Variants in SLC4A8 observed in about 807,000 individuals in gnomAD.
The protein encoded by SLC4A8 is solute carrier family 4 member 8.
SLC4A8 carries 40 observed loss-of-function variants against 125.0 expected under a neutral mutation model. That is an observed-to-expected ratio of 0.32 (90% confidence interval 0.25 to 0.42). The LOEUF is 0.42. Ranked by LOEUF, SLC4A8 falls within the 10% of genes least tolerant of loss-of-function variation. The pLI is 1.00. For synonymous variants in SLC4A8, 456 were observed against 476.0 expected (o/e 0.96, Z 0.55); for missense variants, 863 against 1,355.1 (o/e 0.64, Z 5.70).
At chr12:51,447,097 T>C (rs1482469920) in intron 2 of SLC4A8, among the ~76,000 whole-genome samples, 2 of 152,008 alleles carry the variant, frequency 1.3e-5, no homozygotes, top group African/African-American at 4.8e-5. Context: ...TATCTAGAGA[T>C]AGGGTCTCAT....
chr12:51,436,143 C>G (rs918417043), intron 1 of SLC4A8, among the ~76,000 whole-genome samples: 2 of 152,332 alleles, frequency 1.3e-5, no homozygotes, highest in Non-Finnish European at 1.5e-5. Context: ...TCCTTTCTCT[C>G]TTGCCGAGAA....
intron 11 of SLC4A8, among the ~76,000 whole-genome samples, chr12:51,466,059 T>A (rs34961540): frequency 6.6e-6 from 1 of 151,878 alleles, no homozygotes; most frequent in Non-Finnish European, 1.5e-5. Context: ...CCTTGTTGGA[T>A]GGAGAAGTAT....
At chr12:51,394,732 G>C (rs576767833) in intron 1 of SLC4A8, among the ~76,000 whole-genome samples, 2 of 152,270 alleles carry the variant, frequency 1.3e-5, no homozygotes, top group African/African-American at 4.8e-5. Flanking sequence ...ACTACCTAGC[G>C]GGTATTATGC....
At chr12:51,507,283 T>C (rs1938213382) in intron 24 of SLC4A8, 143 bp from the exon 25 acceptor site, 1 of 509,696 alleles carries the variant, frequency 2.0e-6, no homozygotes, top group Non-Finnish European at 3.4e-6. Flanking sequence ...CACATGGTTA[T>C]TTTTAGTTGA....
chr12:51,482,089 G>A (rs1951046666), intron 16 of SLC4A8, among the ~76,000 whole-genome samples: 1 of 152,204 alleles, frequency 6.6e-6, no homozygotes. Flanking sequence ...TAGATTTGCA[G>A]TATTTAATGT....
intron 1 of SLC4A8, among the ~76,000 whole-genome samples, chr12:51,399,780 G>A (rs1177928593): frequency 6.6e-6 from 1 of 152,108 alleles, no homozygotes; most frequent in Non-Finnish European, 1.5e-5. Context: ...TCAGGAGATT[G>A]AGATCATCTT....
intron 16 of SLC4A8, among the ~76,000 whole-genome samples, chr12:51,478,438 T>TA (rs75314667): frequency 0.021 from 3,143 of 148,086 alleles, 106 homozygotes; most frequent in African/African-American, 0.073. Flanking sequence ...GACTCCATCT[T>TA]AAAAAAAAAA....
chr12:51,448,296 C>T (rs1443851865), intron 2 of SLC4A8, among the ~76,000 whole-genome samples: 5 of 151,956 alleles, frequency 3.3e-5, no homozygotes, highest in Admixed American at 1.3e-4. Context: ...ATAGAAAGTA[C>T]GGTGAGGGAG....
chr12:51,462,287 T>G (rs1291361288), intron 9 of SLC4A8, 23 bp from the exon 10 acceptor site: 2 of 1,611,948 alleles, frequency 1.2e-6, no homozygotes, highest in East Asian at 2.2e-5. Flanking sequence ...TTAACTTTCC[T>G]GAGGGTTTTC....
chr12:51,462,180 T>C (rs1950347574), intron 9 of SLC4A8, 130 bp from the exon 10 acceptor site: 1 of 829,640 alleles, frequency 1.2e-6, no homozygotes, highest in Non-Finnish European at 2.0e-6. Flanking sequence ...GTGCTAAAGT[T>C]TTCTGCATCT....
chr12:51,459,834 A>C, intron 7 of SLC4A8, 117 bp from the exon 8 acceptor site: 2 of 825,178 alleles, frequency 2.4e-6, no homozygotes, highest in Admixed American at 2.4e-5. Flanking sequence ...GCGCCACTGC[A>C]CTCCAGAGTG....
intron 2 of SLC4A8, among the ~76,000 whole-genome samples, chr12:51,447,052 G>GTCTATCTATCTATCTATCTA (rs386363007): frequency 6.7e-6 from 1 of 149,250 alleles, no homozygotes; most frequent in Non-Finnish European, 1.5e-5. Flanking sequence ...CTGTCTGTCT[G>GTCTATCTATCTATCTATCTA]TCTGTCTATC....
intron 22 of SLC4A8, chr12:51,502,203 A>G (rs561100275): frequency 6.6e-6 from 1 of 152,294 alleles, no homozygotes; most frequent in Admixed American, 6.5e-5. Context: ...TGAAAAAGAA[A>G]TCATCTCTGA....
At chr12:51,493,384 T>TTGTGTGTG (rs747205789) in intron 19 of SLC4A8, among the ~76,000 whole-genome samples, 1 of 149,352 alleles carries the variant, frequency 6.7e-6, no homozygotes, top group Admixed American at 6.7e-5. Flanking sequence ...AGGGGTGCGT[T>TTGTGTGTG]TGTGTGTGTG....
chr12:51,443,509 A>G (rs1949666550), intron 2 of SLC4A8, among the ~76,000 whole-genome samples: 1 of 152,208 alleles, frequency 6.6e-6, no homozygotes, highest in African/African-American at 2.4e-5. Context: ...GATGTGCTTC[A>G]GTGGACTTTC....
intron 1 of SLC4A8, among the ~76,000 whole-genome samples, chr12:51,405,899 A>C (rs1275566260): frequency 6.6e-6 from 1 of 152,250 alleles, no homozygotes; most frequent in Non-Finnish European, 1.5e-5. Context: ...TGTTTTTCAG[A>C]AAAACAGAGC....
chr12:51,451,158 A>G, intron 3 of SLC4A8, 136 bp downstream of exon 3: 1 of 847,130 alleles, frequency 1.2e-6, no homozygotes, highest in Non-Finnish European at 1.7e-6. Context: ...GCTTCTAAGA[A>G]GAAATGCCTC....
Position 51,515,138 on chromosome 12 carries a change from G to A in SLC4A8, c.*7700G>A, listed in dbSNP as rs1938487388. On this transcript the variant is annotated 3_prime_UTR_variant, in exon 25 of 25. Coordinates refer to ENST00000453097, the MANE Select transcript of SLC4A8 (RefSeq NM_001039960.3). Reference sequence around the variant, plus strand: ...ATCAGCGGAGCTTGGGCTTCGCTTAGCAGGTTTGCAATTGACTTCAACATG... The same window carrying A: ...ATCAGCGGAGCTTGGGCTTCGCTTAACAGGTTTGCAATTGACTTCAACATG... 1 of 152,236 alleles carries A rather than the reference G, an allele frequency of 6.6e-6. No homozygotes were observed. Among genetic ancestry groups the A allele is most frequent in the Non-Finnish European group, 1.5e-5 (1 of 68,044 alleles). The allele number at this position is 152,236 out of a possible 1,614,324, so 9.4% of individuals were successfully genotyped here.
At position 51,512,709 on chromosome 12, in the gene SLC4A8, A is replaced by G. The variant is rs895823024; in HGVS notation, c.*5271A>G. 33 of 152,268 alleles carry G rather than the reference A, an allele frequency of 2.2e-4. No homozygotes were observed. The highest frequency in any genetic ancestry group is 7.2e-4 in the African/African-American group (30 of 41,540). 9.4% of individuals were successfully genotyped at this position (152,268 alleles called of 1,614,324 possible). ...TATGTTGACAAATGAGAGTGTAGCC[A>G]TAAGATTTCATTGTTACTACTAGTC... On this transcript the variant is annotated 3_prime_UTR_variant, in exon 25 of 25. Coordinates refer to ENST00000453097, the MANE Select transcript of SLC4A8 (RefSeq NM_001039960.3).
Sources: gnomAD v4.1 joint callset for allele counts (sites outside exome capture counted in the v4.1 genomes callset) on GRCh38, gnomAD v4.1.1 for gene constraint, MANE v1.5 for transcripts, NCBI Gene and HGNC (gene_info 2026-07-23, HGNC 2026-07-21) for gene names.